Variants in SDCCAG8 observed in about 807,000 individuals in gnomAD.
SDCCAG8 encodes serologically defined colon cancer antigen 8.
In SDCCAG8, 74 loss-of-function variants were observed where a neutral mutation model predicts 101.8. That is an observed-to-expected ratio of 0.73 (90% CI 0.60 to 0.88). The LOEUF (loss-of-function observed/expected upper bound fraction) is 0.88. Ranked by LOEUF, SDCCAG8 falls within the 40% of genes least tolerant of loss-of-function variation. SDCCAG8 has a pLI of 0.00. For missense variants in SDCCAG8, 787 were observed against 822.6 expected (o/e 0.96, Z 0.53); for synonymous variants, 281 against 292.9 (o/e 0.96, Z 0.41).
chr1:243,338,444 T>C (rs2075163871), intron 10 of SDCCAG8, among the ~76,000 whole-genome samples: 1 of 151,900 alleles, frequency 6.6e-6, no homozygotes, highest in South Asian at 2.1e-4. Context: ...TTAAATTCCA[T>C]TTGTGTGGGA....
chr1:243,394,809 G>A (rs941329178), intron 13 of SDCCAG8, among the ~76,000 whole-genome samples: 3 of 151,624 alleles, frequency 2.0e-5, no homozygotes, highest in African/African-American at 7.3e-5. Flanking sequence ...TTTACTCTTC[G>A]GTAGTGTAAC....
intron 16 of SDCCAG8, among the ~76,000 whole-genome samples, chr1:243,467,155 C>T (rs1354562276): frequency 2.0e-5 from 3 of 152,252 alleles, no homozygotes; most frequent in East Asian, 3.8e-4. Flanking sequence ...CTGCTATTGA[C>T]CGTTGACTGA....
At chr1:243,258,474 G>A (rs1039176376) in intron 1 of SDCCAG8, among the ~76,000 whole-genome samples, 5 of 152,072 alleles carry the variant, frequency 3.3e-5, no homozygotes, top group Non-Finnish European at 5.9e-5. Flanking sequence ...GTGCCATCTC[G>A]GCTCACTGCA....
intron 5 of SDCCAG8, among the ~76,000 whole-genome samples, chr1:243,290,849 A>C (rs1348341998): frequency 6.6e-6 from 1 of 152,176 alleles, no homozygotes; most frequent in East Asian, 1.9e-4. Flanking sequence ...GCCCCTGTGC[A>C]CACCTTTGGC....
At chr1:243,482,627 T>G (rs1663972424) in intron 16 of SDCCAG8, among the ~76,000 whole-genome samples, 1 of 152,154 alleles carries the variant, frequency 6.6e-6, no homozygotes, top group Non-Finnish European at 1.5e-5. Context: ...CCAGCCTGGG[T>G]GCAGGCTCCC....
At chr1:243,332,435 G>T (rs1291358266) in intron 10 of SDCCAG8, among the ~76,000 whole-genome samples, 1 of 152,166 alleles carries the variant, frequency 6.6e-6, no homozygotes, top group Non-Finnish European at 1.5e-5. Flanking sequence ...TCCAGGTCTG[G>T]AGGTGACTCA....
chr1:243,305,927 A>G (rs1330901047), intron 7 of SDCCAG8: 1 of 152,032 alleles, frequency 6.6e-6, no homozygotes. Context: ...TGTCTCTACT[A>G]AAAATATAAA....
At chr1:243,479,186 C>T (rs1445630489) in intron 16 of SDCCAG8, among the ~76,000 whole-genome samples, 7 of 152,192 alleles carry the variant, frequency 4.6e-5, no homozygotes, top group Admixed American at 4.6e-4. Context: ...GCAGTAATTG[C>T]ATTTTCAAAA....
At chr1:243,314,117 A>G (rs1249240922) in intron 8 of SDCCAG8, among the ~76,000 whole-genome samples, 1 of 152,228 alleles carries the variant, frequency 6.6e-6, no homozygotes, top group Non-Finnish European at 1.5e-5. Flanking sequence ...CACCTGAGTG[A>G]ATGAGTAGAT....
intron 13 of SDCCAG8, among the ~76,000 whole-genome samples, chr1:243,405,042 T>C (rs911962684): frequency 2.0e-5 from 3 of 152,026 alleles, no homozygotes; most frequent in African/African-American, 4.8e-5. Context: ...ATTTTTGTAT[T>C]TTTAGTAGAG....
At chr1:243,332,763 C>T (rs527490429) in intron 10 of SDCCAG8, among the ~76,000 whole-genome samples, 9 of 150,480 alleles carry the variant, frequency 6.0e-5, no homozygotes, top group Non-Finnish European at 1.0e-4. Context: ...TATTGTGGTC[C>T]GGGTCTGGAG....
At chr1:243,276,158 G>A (rs1274849213) in intron 4 of SDCCAG8, among the ~76,000 whole-genome samples, 1 of 152,056 alleles carries the variant, frequency 6.6e-6, no homozygotes, top group African/African-American at 2.4e-5. Flanking sequence ...CACGATGCCC[G>A]GCCTAAACCA....
intron 16 of SDCCAG8, among the ~76,000 whole-genome samples, chr1:243,478,009 G>A (rs186280805): frequency 1.7e-4 from 26 of 152,280 alleles, no homozygotes; most frequent in African/African-American, 5.5e-4. Flanking sequence ...CAATAGATTG[G>A]AAATTTTAAA....
chr1:243,345,132 C>T (rs1385445517), intron 12 of SDCCAG8, among the ~76,000 whole-genome samples: 4 of 151,962 alleles, frequency 2.6e-5, no homozygotes, highest in Admixed American at 1.3e-4. Flanking sequence ...AGAAGTAGGT[C>T]GCTCCAAATA....
chr1:243,270,910 G>A (rs1302066027), intron 2 of SDCCAG8, 68 bp from the exon 3 acceptor site: 1 of 1,120,880 alleles, frequency 8.9e-7, no homozygotes, highest in Non-Finnish European at 1.4e-6. Context: ...TAGTTGGAAG[G>A]ATGGATGGGT....
chr1:243,303,577 G>A (rs769027420), intron 6 of SDCCAG8, among the ~76,000 whole-genome samples: 1 of 151,902 alleles, frequency 6.6e-6, no homozygotes, highest in African/African-American at 2.4e-5. Flanking sequence ...ATGAGGACCC[G>A]CTTCCATTTA....
In SDCCAG8 at chr1:243,474,550, C is replaced by T. The variant is rs1370245045; in HGVS notation, c.1986-14464C>T. 6.6e-6 allele frequency among the ~76,000 whole-genome samples: 1 copy of T among 152,208 alleles called. No homozygotes were observed. Among genetic ancestry groups the T allele is most frequent in the Non-Finnish European group, 1.5e-5 (1 of 68,012 alleles). On this transcript the variant is annotated intron_variant, in intron 16 of 17. Coordinates refer to ENST00000366541, the MANE Select transcript of SDCCAG8 (RefSeq NM_006642.5). The surrounding 1 kb of genome is among the most constrained non-coding windows in gnomAD (Gnocchi z 4.7). ...GGTGCACCGCCCGGCAGCGCTGAGA[C>T]CTGGCCGCCTAGGCCACCCTGCCCG...
intron 16 of SDCCAG8, among the ~76,000 whole-genome samples, chr1:243,467,659 T>G (rs1660410336): frequency 6.6e-6 from 1 of 152,244 alleles, no homozygotes; most frequent in Non-Finnish European, 1.5e-5. Flanking sequence ...TCTGGATAGT[T>G]CATTTTTACT....
chr1:243,277,754 C>T (rs2068697815), intron 4 of SDCCAG8, among the ~76,000 whole-genome samples: 1 of 152,038 alleles, frequency 6.6e-6, no homozygotes, highest in Non-Finnish European at 1.5e-5. Flanking sequence ...CTCCTTTCTT[C>T]TTCTAGTATT....
Sources: allele counts gnomAD v4.1 joint callset (sites outside exome capture counted in the v4.1 genomes callset), GRCh38; gene constraint gnomAD v4.1.1; non-coding constraint Gnocchi (gnomAD v3.1); transcripts MANE v1.5; gene names NCBI Gene and HGNC (gene_info 2026-07-23, HGNC 2026-07-21).